Variants in KIAA1217 observed in about 807,000 individuals in gnomAD.
The protein encoded by KIAA1217 is sickle tail protein homolog.
In KIAA1217, 88 loss-of-function variants were observed where a neutral mutation model predicts 163.9. The ratio of observed to expected loss-of-function variants is 0.54; its 90% CI spans 0.45 to 0.64. The LOEUF (loss-of-function observed/expected upper bound fraction) is 0.64. KIAA1217 is among the 30% of genes least tolerant of loss of function. KIAA1217 has a pLI of 0.00. For synonymous variants in KIAA1217, 903 were observed against 923.1 expected (o/e 0.98, Z 0.39); for missense variants, 2,372 against 2,475.0 (o/e 0.96, Z 0.88).
intron 2 of KIAA1217, among the ~76,000 whole-genome samples, chr10:24,371,478 A>G (rs753238618): frequency 1.3e-5 from 2 of 152,230 alleles, no homozygotes; most frequent in East Asian, 1.9e-4. Flanking sequence ...ACAGATGTGG[A>G]AGTCTGTCTC....
intron 1 of KIAA1217, among the ~76,000 whole-genome samples, chr10:24,213,510 T>C (rs2068424714): frequency 6.6e-6 from 1 of 152,176 alleles, no homozygotes; most frequent in African/African-American, 2.4e-5. Context: ...CTTATCCCGT[T>C]TCATTCTTCA....
At chr10:23,848,415 A>G (rs1194832813) in intron 1 of KIAA1217, among the ~76,000 whole-genome samples, 2 of 151,934 alleles carry the variant, frequency 1.3e-5, no homozygotes, top group East Asian at 3.9e-4. Flanking sequence ...GTGTTCATGG[A>G]ACCCTTTACC....
chr10:24,310,026 T>G (rs2042504081), intron 2 of KIAA1217, among the ~76,000 whole-genome samples: 1 of 152,240 alleles, frequency 6.6e-6, no homozygotes, highest in Non-Finnish European at 1.5e-5. Flanking sequence ...CCTAACTAGT[T>G]TCTCACGTGT....
intron 5 of KIAA1217, among the ~76,000 whole-genome samples, chr10:24,468,190 T>C (rs1028841535): frequency 1.3e-5 from 2 of 152,184 alleles, no homozygotes; most frequent in African/African-American, 4.8e-5. Flanking sequence ...ATCCCTCCAG[T>C]GATGTCCCCT....
chr10:23,838,144 T>A (rs1054337854), intron 1 of KIAA1217, among the ~76,000 whole-genome samples: 7 of 152,196 alleles, frequency 4.6e-5, no homozygotes, highest in Non-Finnish European at 1.5e-5. Context: ...TTGTTTCTTT[T>A]TATACTACTA....
chr10:24,052,816 T>C lies in KIAA1217; in HGVS notation c.-171+45442T>C, dbSNP rs192249204. 2.0e-5 allele frequency among the ~76,000 whole-genome samples: 3 copies of C among 152,250 alleles called. No individual in the cohort carries two copies. The East Asian group carries it at 5.8e-4, about 29-fold the overall frequency. On this transcript the variant is annotated intron_variant, in intron 2 of 18. Coordinates refer to the KIAA1217 transcript ENST00000376462. ...GCTATATATGTTCTTAAGGGTAGTT[T>C]TATCAATCTTGGCTATTTAGGAGCA...
At chr10:23,932,351 A>G (rs1208280218) in intron 1 of KIAA1217, among the ~76,000 whole-genome samples, 1 of 152,056 alleles carries the variant, frequency 6.6e-6, no homozygotes, top group Non-Finnish European at 1.5e-5. Flanking sequence ...TTCATCAACT[A>G]TTTGTTGATG....
At chr10:24,349,595 T>G (rs2048208662) in intron 2 of KIAA1217, among the ~76,000 whole-genome samples, 1 of 152,156 alleles carries the variant, frequency 6.6e-6, no homozygotes, top group African/African-American at 2.4e-5. Context: ...CAAAACACCT[T>G]CTTTTGCCTG....
At chr10:24,004,042 C>T (rs1364797108) in intron 1 of KIAA1217, among the ~76,000 whole-genome samples, 4 of 152,090 alleles carry the variant, frequency 2.6e-5, no homozygotes, top group Admixed American at 6.5e-5. Context: ...TGCAATGGCA[C>T]GATCTCAGCT....
At chr10:24,061,822 T>C (rs1346719409) in intron 2 of KIAA1217, among the ~76,000 whole-genome samples, 1 of 152,232 alleles carries the variant, frequency 6.6e-6, no homozygotes, top group African/African-American at 2.4e-5. Context: ...TCTTTTTCTC[T>C]GACTTTTGAC....
intron 2 of KIAA1217, among the ~76,000 whole-genome samples, chr10:24,354,711 G>A (rs1439661608): frequency 8.3e-6 from 1 of 120,864 alleles, no homozygotes; most frequent in Non-Finnish European, 1.6e-5. Flanking sequence ...ACTCCTCTCA[G>A]CATTCAGATG....
intron 2 of KIAA1217, among the ~76,000 whole-genome samples, chr10:24,168,257 A>T (rs914328572): frequency 6.6e-6 from 1 of 152,126 alleles, no homozygotes; most frequent in Non-Finnish European, 1.5e-5. Flanking sequence ...CAGGTCATAG[A>T]GGTATAGGTG....
At chr10:24,074,796 G>T (rs1393832341) in intron 2 of KIAA1217, among the ~76,000 whole-genome samples, 2 of 150,040 alleles carry the variant, frequency 1.3e-5, no homozygotes, top group Non-Finnish European at 3.0e-5. Flanking sequence ...TACCTCCCGG[G>T]ATCAAGTGAT....
chr10:24,030,996 A>C (rs1305391063), intron 2 of KIAA1217, among the ~76,000 whole-genome samples: 1 of 152,170 alleles, frequency 6.6e-6, no homozygotes, highest in African/African-American at 2.4e-5. Context: ...ATGGCTGTAC[A>C]AATATCTGTT....
chr10:24,248,243 T>G (rs1319755214), intron 2 of KIAA1217, among the ~76,000 whole-genome samples: 1 of 152,256 alleles, frequency 6.6e-6, no homozygotes, highest in Non-Finnish European at 1.5e-5. Context: ...AATGCTGTTT[T>G]GGGTCCTAAC....
At chr10:24,023,379 T>G (rs1315088976) in intron 2 of KIAA1217, among the ~76,000 whole-genome samples, 1 of 151,686 alleles carries the variant, frequency 6.6e-6, no homozygotes, top group African/African-American at 2.4e-5. Context: ...CCAGCAGTTT[T>G]CCATCTATGT....
At chr10:24,339,843 C>T (rs752874605) in intron 2 of KIAA1217, among the ~76,000 whole-genome samples, 1 of 152,178 alleles carries the variant, frequency 6.6e-6, no homozygotes, top group Non-Finnish European at 1.5e-5. Flanking sequence ...TTTAGTGTCC[C>T]CCCAAAGCCA....
At chr10:23,941,601 G>A (rs1172970147) in intron 1 of KIAA1217, among the ~76,000 whole-genome samples, 1 of 152,030 alleles carries the variant, frequency 6.6e-6, no homozygotes, top group Non-Finnish European at 1.5e-5. Context: ...ACCATCTCGG[G>A]GAGGTGACCA....
chr10:23,929,950 G>A (rs1366398327), intron 1 of KIAA1217, among the ~76,000 whole-genome samples: 1 of 151,738 alleles, frequency 6.6e-6, no homozygotes, highest in East Asian at 1.9e-4. Flanking sequence ...TCTTTTTTTG[G>A]GAAATCTCTG....
Sources: allele counts gnomAD v4.1 joint callset (sites outside exome capture counted in the v4.1 genomes callset), GRCh38; gene constraint gnomAD v4.1.1; transcripts MANE v1.5; gene names NCBI Gene and HGNC (gene_info 2026-07-23, HGNC 2026-07-21).